IL1R1: variants seen among roughly 807,000 people sequenced by gnomAD.
IL1R1 encodes the protein interleukin 1 receptor type 1.
IL1R1 carries 22 observed loss-of-function variants against 50.2 expected under a neutral mutation model. The ratio of observed to expected loss-of-function variants is 0.44; its 90% confidence interval spans 0.31 to 0.63. IL1R1 has a LOEUF of 0.63. Ranked by LOEUF, IL1R1 falls within the 20% of genes least tolerant of loss-of-function variation. The probability of loss-of-function intolerance (pLI) is 0.07; values close to 1 mark genes in which losing one functional copy is unlikely to be tolerated. For missense variants in IL1R1, 509 were observed against 676.2 expected (o/e 0.75, Z 2.74); for synonymous variants, 251 against 236.7 (o/e 1.06, Z -0.55).
intron 1 of IL1R1, among the ~76,000 whole-genome samples, chr2:102,124,069 G>A (rs1057136394): frequency 3.3e-5 from 5 of 152,090 alleles, no homozygotes; most frequent in Non-Finnish European, 7.4e-5. Flanking sequence ...GTTAGACAAG[G>A]GTGCTGTGGG....
Position 102,179,771 on chromosome 2 carries a change from C to T in IL1R1, c.*3012C>T, listed in dbSNP as rs1031835878. On this transcript the variant is annotated 3_prime_UTR_variant, in exon 12 of 12. Coordinates refer to ENST00000410023, the MANE Select transcript of IL1R1 (RefSeq NM_000877.4). ...TGTTTATATAATTTTGCAGCAGAAG[C>T]CAAATTTTTTGTATATTAAAGCACC... The T allele has an allele frequency of 1.3e-5, 2 of 152,616 alleles. No individual in the cohort carries two copies. Among genetic ancestry groups the T allele is most frequent in the African/African-American group, 4.8e-5 (2 of 41,394 alleles). 9.5% of individuals were successfully genotyped at this position (152,616 alleles called of 1,614,324 possible).
intron 1 of IL1R1, among the ~76,000 whole-genome samples, chr2:102,127,667 G>GTGTGTGTGTGTGAC (rs1328472008): frequency 9.8e-6 from 1 of 101,942 alleles, no homozygotes; most frequent in African/African-American, 3.7e-5. Flanking sequence ...CTGTGTGTGT[G>GTGTGTGTGTGTGAC]TGTGTGTGTG....
At position 102,143,027 on chromosome 2, in the gene IL1R1, G is replaced by A. The variant is rs953352866; in HGVS notation, c.-84+7G>A. 58 of 152,612 alleles carry A rather than the reference G, an allele frequency of 3.8e-4. 1 individual carries two copies. The highest frequency in any genetic ancestry group is 1.3e-3 in the African/African-American group (52 of 41,594). The allele number at this position is 152,612 out of a possible 1,614,324, so 9.5% of individuals were successfully genotyped here. On this transcript the variant is annotated splice_region_variant and intron_variant, in intron 1 of 11. Transcript: ENST00000410023. ...TCCACGGCCGTCCGTCCAGGTACGGGGAAGCTGGAGCATCCGGGGACTAGG... is the reference window on the plus strand; with the variant it reads ...TCCACGGCCGTCCGTCCAGGTACGGAGAAGCTGGAGCATCCGGGGACTAGG...
chr2:102,157,540 C>T (rs1277909562), intron 2 of IL1R1, among the ~76,000 whole-genome samples, 179 bp from the exon 3 acceptor site: 2 of 151,990 alleles, frequency 1.3e-5, no homozygotes, highest in African/African-American at 4.8e-5. Context: ...TGTTCCCCAC[C>T]CCATTTTCTA....
chr2:102,074,250 A>C (rs1398979681), intron 1 of IL1R1, among the ~76,000 whole-genome samples: 2 of 152,146 alleles, frequency 1.3e-5, no homozygotes. Flanking sequence ...TTCTGTGGGC[A>C]GTTCTGCTCC....
chr2:102,076,087 T>A (rs1678944286), intron 1 of IL1R1, among the ~76,000 whole-genome samples: 1 of 152,266 alleles, frequency 6.6e-6, no homozygotes, highest in Non-Finnish European at 1.5e-5. Context: ...AATACATTTT[T>A]AATTTTGCTT....
intron 1 of IL1R1, among the ~76,000 whole-genome samples, chr2:102,088,660 T>G (rs1027397796): frequency 6.6e-6 from 1 of 152,248 alleles, no homozygotes; most frequent in African/African-American, 2.4e-5. Flanking sequence ...AAACCAGACG[T>G]TGACTTCTTT....
rs539626199 is a variant in IL1R1 at position 102,083,010 on chromosome 2, C to G, written c.-84+12477C>G. Reference sequence around the variant, plus strand: ...GAACAATGTCAAAAACATCAGGATTCCTGGTCATGAGGACCAGAGGGGGCC... The same window carrying G: ...GAACAATGTCAAAAACATCAGGATTGCTGGTCATGAGGACCAGAGGGGGCC... On this transcript the variant is annotated intron_variant, in intron 1 of 11. Transcript: ENST00000409929. 2.0e-5 allele frequency among the ~76,000 whole-genome samples: 3 copies of G among 152,238 alleles called. No homozygotes were observed. In the East Asian group the frequency reaches 5.8e-4, roughly 29 times the overall value.
intron 1 of IL1R1, among the ~76,000 whole-genome samples, chr2:102,144,318 G>A (rs908923560): frequency 2.0e-5 from 3 of 152,106 alleles, no homozygotes; most frequent in African/African-American, 7.2e-5. Flanking sequence ...TGTGTGAAGC[G>A]TCTCCTGCAC....
chr2:102,107,759 G>C (rs986906752), intron 1 of IL1R1, among the ~76,000 whole-genome samples: 7 of 152,144 alleles, frequency 4.6e-5, no homozygotes, highest in Non-Finnish European at 5.9e-5. Context: ...GCCCCTTTGG[G>C]TTCAGCCTCT....
chr2:102,132,425 A>G (rs1244017484), intron 1 of IL1R1, among the ~76,000 whole-genome samples: 1 of 152,310 alleles, frequency 6.6e-6, no homozygotes, highest in Middle Eastern at 3.4e-3. Flanking sequence ...TCCTGTATGT[A>G]GGGTGATACA....
intron 1 of IL1R1, among the ~76,000 whole-genome samples, chr2:102,096,153 C>T (rs887976527): frequency 6.6e-6 from 1 of 152,102 alleles, no homozygotes; most frequent in Non-Finnish European, 1.5e-5. Context: ...CTGTAATTGA[C>T]GCATTCATTT....
chr2:102,083,838 G>A (rs1040544572), intron 1 of IL1R1, among the ~76,000 whole-genome samples: 1 of 151,944 alleles, frequency 6.6e-6, no homozygotes, highest in African/African-American at 2.4e-5. Flanking sequence ...CAGCTACTCA[G>A]GAGGCTGAGG....
intron 6 of IL1R1, among the ~76,000 whole-genome samples, chr2:102,166,900 T>A (rs1578022206): frequency 6.6e-6 from 1 of 152,168 alleles, no homozygotes; most frequent in South Asian, 2.1e-4. Context: ...TGATTGTTCT[T>A]GTTAATTTTC....
rs762031233 is a variant in IL1R1 at position 102,172,743 on chromosome 2, C to T, written c.896C>T (p.Ser299Leu). 5.6e-6 allele frequency: 9 copies of T among 1,612,350 alleles called. No individual in the cohort carries two copies. Among genetic ancestry groups the T allele is most frequent in the East Asian group, 2.2e-5 (1 of 44,854 alleles). Reference sequence around the variant, plus strand: ...ACCCTCATCACAGTGCTTAATATATCGGAAATTGAAAGTAGATTTTATAAA... The same window carrying T: ...ACCCTCATCACAGTGCTTAATATATTGGAAATTGAAAGTAGATTTTATAAA... The part of the protein sequence containing the change: ...RSTLITVLNI[S>L]EIESRFYKHP... Residue 299 changes from serine to leucine, a missense_variant, in exon 9 of 12, where the codon TCG (serine) becomes TTG (leucine). Ser to Leu is a moderately radical substitution (Grantham distance 145). Transcript: ENST00000410023.
chr2:102,073,007 G>C lies in IL1R1; in HGVS notation c.-84+2474G>C, dbSNP rs147851704. Among the ~76,000 whole-genome samples, 69 of 152,168 alleles carry C rather than the reference G, an allele frequency of 4.5e-4. No homozygotes were observed. In the Middle Eastern group the frequency reaches 0.014, roughly 30 times the overall value. On this transcript the variant is annotated intron_variant, in intron 1 of 11. Coordinates refer to the IL1R1 transcript ENST00000409929. Reference sequence around the variant, plus strand: ...AGAAACTCCCTTTCTCTTTGGGTCTGGAATACCATGATGCCTTTTCCCTGT... The same window carrying C: ...AGAAACTCCCTTTCTCTTTGGGTCTCGAATACCATGATGCCTTTTCCCTGT...
At chr2:102,074,287 C>T (rs1224765443) in intron 1 of IL1R1, among the ~76,000 whole-genome samples, 2 of 151,694 alleles carry the variant, frequency 1.3e-5, no homozygotes, top group African/African-American at 4.9e-5. Flanking sequence ...GGCTGCAGTC[C>T]TGTGGATGCT....
chr2:102,080,870 G>T (rs1472407385), intron 1 of IL1R1, among the ~76,000 whole-genome samples: 10 of 152,158 alleles, frequency 6.6e-5, no homozygotes, highest in Non-Finnish European at 1.3e-4. Flanking sequence ...ATATTATTCA[G>T]CCATGGAAAG....
At chr2:102,126,500 C>T (rs567212535) in intron 1 of IL1R1, among the ~76,000 whole-genome samples, 14 of 151,888 alleles carry the variant, frequency 9.2e-5, no homozygotes, top group African/African-American at 3.4e-4. Context: ...TAAAACTGTG[C>T]GAAAAATACT....
Sources: gnomAD v4.1 joint callset for allele counts (sites outside exome capture counted in the v4.1 genomes callset) on GRCh38, gnomAD v4.1.1 for gene constraint, MANE v1.5 for transcripts, NCBI Gene and HGNC (gene_info 2026-07-23, HGNC 2026-07-21) for gene names.